The following NEDD4L variants were observed in gnomAD, a reference collection of about 807,000 sequenced individuals.
NEDD4L encodes NEDD4 like E3 ubiquitin protein ligase.
A neutral mutation model predicts 148.9 loss-of-function variants in NEDD4L; 54 were observed. The observed-to-expected ratio is 0.36, with a 90% CI of 0.29 to 0.45. NEDD4L has a LOEUF of 0.45. Ranked by LOEUF, NEDD4L falls within the 20% of genes least tolerant of loss-of-function variation. NEDD4L has a pLI of 1.00. For missense variants in NEDD4L, 856 were observed against 1,233.8 expected (o/e 0.69, Z 4.59); for synonymous variants, 433 against 440.7 (o/e 0.98, Z 0.22).
chr18:58,303,666 C>T (rs1411130880), intron 5 of NEDD4L, among the ~76,000 whole-genome samples: 1 of 152,136 alleles, frequency 6.6e-6, no homozygotes, highest in African/African-American at 2.4e-5. Flanking sequence ...TTTCTAAGTA[C>T]TCTGGGGGCA....
At position 58,108,526 on chromosome 18, in the gene NEDD4L, T is replaced by C. The variant is rs181321815; in HGVS notation, c.49-57262T>C. Among the ~76,000 whole-genome samples the C allele has an allele frequency of 2.2e-3, 331 of 152,324 alleles. 2 individuals carry two copies. Among genetic ancestry groups the C allele is most frequent in the South Asian group, 4.6e-3 (22 of 4,824 alleles). ...ACCTCCGCCTCCTGGGTTCAAGTGA[T>C]TCTCGTGTCTCAGCCTCCCGAGTAG... On this transcript the variant is annotated intron_variant, in intron 1 of 30. Coordinates refer to ENST00000400345, the MANE Select transcript of NEDD4L (RefSeq NM_001144967.3).
chr18:58,045,072 CCCGGGAGT>C (rs2081512788), intron 1 of NEDD4L: 1 of 406,048 alleles, frequency 2.5e-6, no homozygotes, highest in African/African-American at 2.1e-5. Flanking sequence ...GCCCCTGCAG[CCCGGGAGT>C]CCATGATGCA....
chr18:58,255,347 A>T (rs1259547735), intron 5 of NEDD4L: 2 of 335,432 alleles, frequency 6.0e-6, no homozygotes, highest in Non-Finnish European at 1.0e-5. Flanking sequence ...GTAGGGGAAA[A>T]CTCCTCTAAG....
chr18:58,286,919 A>G (rs975484122), intron 5 of NEDD4L, among the ~76,000 whole-genome samples: 4 of 152,232 alleles, frequency 2.6e-5, no homozygotes, highest in African/African-American at 4.8e-5. Flanking sequence ...AGATTTTCCC[A>G]GAAGGCCAAG....
chr18:58,134,769 A>ATTTTTTTTTT (rs71173032), intron 1 of NEDD4L, among the ~76,000 whole-genome samples: 1 of 131,414 alleles, frequency 7.6e-6, no homozygotes, highest in Non-Finnish European at 1.6e-5. Context: ...AGCAATTTTC[A>ATTTTTTTTTT]TTTTTTTTTT....
At chr18:58,291,423 T>A (rs562826033) in intron 5 of NEDD4L, among the ~76,000 whole-genome samples, 1 of 152,312 alleles carries the variant, frequency 6.6e-6, no homozygotes, top group Admixed American at 6.5e-5. Flanking sequence ...TGGTAAGCAA[T>A]ATTTCTATTT....
At chr18:58,363,080 A>C (rs1172053672) in intron 19 of NEDD4L, among the ~76,000 whole-genome samples, 8 of 152,196 alleles carry the variant, frequency 5.3e-5, no homozygotes, top group Admixed American at 3.9e-4. Context: ...GATTGCTCCT[A>C]AGCTATATAA....
intron 2 of NEDD4L, among the ~76,000 whole-genome samples, chr18:58,226,725 G>A (rs2044395776): frequency 6.6e-6 from 1 of 152,162 alleles, no homozygotes; most frequent in Non-Finnish European, 1.5e-5. Context: ...CACTGTGCTA[G>A]AGGGTGTACA....
intron 1 of NEDD4L, among the ~76,000 whole-genome samples, chr18:58,068,972 A>G (rs2082739090): frequency 6.6e-6 from 1 of 152,098 alleles, no homozygotes; most frequent in Admixed American, 6.5e-5. Flanking sequence ...CCCCGTCTCT[A>G]CTAAAAATAT....
At chr18:58,081,928 C>G (rs2083452799) in intron 1 of NEDD4L, among the ~76,000 whole-genome samples, 1 of 151,680 alleles carries the variant, frequency 6.6e-6, no homozygotes, top group Admixed American at 6.6e-5. Context: ...ATCTAATAAT[C>G]TCTCATTGTG....
At chr18:58,122,111 C>T (rs1471241674) in intron 1 of NEDD4L, among the ~76,000 whole-genome samples, 1 of 152,230 alleles carries the variant, frequency 6.6e-6, no homozygotes, top group Non-Finnish European at 1.5e-5. Context: ...TGGCTTACAG[C>T]TGCCATTCAG....
At chr18:58,185,120 A>G (rs1365756952) in intron 2 of NEDD4L, among the ~76,000 whole-genome samples, 1 of 152,082 alleles carries the variant, frequency 6.6e-6, no homozygotes, top group Non-Finnish European at 1.5e-5. Context: ...TATGGTGCAA[A>G]TGTGCAGCTG....
At chr18:58,155,123 C>A (rs1164165920) in intron 1 of NEDD4L, among the ~76,000 whole-genome samples, 7 of 152,048 alleles carry the variant, frequency 4.6e-5, no homozygotes, top group Non-Finnish European at 7.4e-5. Context: ...AAAGAATATC[C>A]TAAAGTTCTT....
At chr18:58,048,805 T>TC (rs1394563106) in intron 1 of NEDD4L, among the ~76,000 whole-genome samples, 2 of 152,206 alleles carry the variant, frequency 1.3e-5, no homozygotes, top group African/African-American at 4.8e-5. Context: ...TGGCATTATG[T>TC]CCTTTGAGAT....
intron 5 of NEDD4L, among the ~76,000 whole-genome samples, chr18:58,295,877 G>A (rs1372867214): frequency 6.6e-6 from 1 of 152,078 alleles, no homozygotes; most frequent in Non-Finnish European, 1.5e-5. Flanking sequence ...ATTTATTTTT[G>A]GGGGGTGGTT....
Position 58,255,971 on chromosome 18 carries a change from G to C in NEDD4L, c.297+3917G>C, listed in dbSNP as rs555471650. On this transcript the variant is annotated intron_variant, in intron 5 of 30. Coordinates refer to ENST00000400345, the MANE Select transcript of NEDD4L (RefSeq NM_001144967.3). The stretch of plus-strand genomic sequence containing the variant: ...GGCCACGGACGGGTGCGGGCCGCCC[G>C]AGGGCGCCGACGATGGGCCTCCATG... The C allele has an allele frequency of 1.2e-4, 145 of 1,230,844 alleles. No individual in the cohort carries two copies. In the East Asian group the frequency reaches 4.4e-3, roughly 38 times the overall value. 76.2% of individuals were successfully genotyped at this position (1,230,844 alleles called of 1,614,324 possible).
chr18:58,199,052 A>T (rs1234466997), intron 2 of NEDD4L, among the ~76,000 whole-genome samples: 1 of 152,220 alleles, frequency 6.6e-6, no homozygotes, highest in East Asian at 1.9e-4. Context: ...TCGGTCTCCC[A>T]AAGTGCTGGG....
In NEDD4L at chr18:58,400,367, CTG is replaced by C. The variant is rs1177916859; in HGVS notation, c.*4099_*4100del. The C allele has an allele frequency of 2.0e-5, 3 of 152,092 alleles. No individual in the cohort carries two copies. The highest frequency in any genetic ancestry group is 7.2e-5 in the African/African-American group (3 of 41,422). The allele number at this position is 152,092 out of a possible 1,614,324, so 9.4% of individuals were successfully genotyped here. On this transcript the variant is annotated 3_prime_UTR_variant, in exon 31 of 31. Transcript: ENST00000400345. ...CCACTTTGTACTTTAGATTTTAAAA[CTG>C]GGGAAAAATGTGATATTCTTTGGAC...
At chr18:58,218,129 T>C (rs1222434012) in intron 2 of NEDD4L, among the ~76,000 whole-genome samples, 1 of 152,232 alleles carries the variant, frequency 6.6e-6, no homozygotes, top group African/African-American at 2.4e-5. Flanking sequence ...GTCTTCATGC[T>C]TTTCTTATTC....
Sources: gnomAD v4.1 joint callset for allele counts (sites outside exome capture counted in the v4.1 genomes callset) on GRCh38, gnomAD v4.1.1 for gene constraint, MANE v1.5 for transcripts, NCBI Gene and HGNC (gene_info 2026-07-23, HGNC 2026-07-21) for gene names.